The following CDA variants were observed in gnomAD, a reference collection of about 807,000 sequenced individuals.
The protein encoded by CDA is cytidine deaminase, also known as cytidine aminohydrolase.
In CDA, 7 loss-of-function variants were observed where a neutral mutation model predicts 15.0. That is an observed-to-expected ratio of 0.47 (90% CI 0.26 to 0.87). The LOEUF (loss-of-function observed/expected upper bound fraction) is 0.87. Ranked by LOEUF, CDA falls within the 40% of genes least tolerant of loss-of-function variation. The pLI, the probability that CDA is intolerant of heterozygous loss-of-function variation, is 0.15. For missense variants in CDA, 159 were observed against 182.7 expected (o/e 0.87, Z 0.75); for synonymous variants, 58 against 73.0 (o/e 0.79, Z 1.05).
At position 20,609,843 on chromosome 1, in the gene CDA, T is replaced by A. The variant is rs1037857219; in HGVS notation, c.267-3999T>A. On this transcript the variant is annotated intron_variant, in intron 2 of 3. Transcript: ENST00000375071. ...GTTCACTCGGCATCCTGGGCAGGAG[T>A]CCCCACCCTCTTATGTGCCCGTGGG... 4.6e-5 allele frequency among the ~76,000 whole-genome samples: 7 copies of A among 151,828 alleles called. 1 individual carries two copies. Among genetic ancestry groups the A allele is most frequent in the African/African-American group, 1.7e-4 (7 of 41,308 alleles).
chr1:20,591,091 G>A (rs541420064), intron 1 of CDA, among the ~76,000 whole-genome samples: 2 of 152,326 alleles, frequency 1.3e-5, no homozygotes, highest in South Asian at 4.1e-4. Flanking sequence ...TGTAACCCCA[G>A]CACTTTGGGA....
chr1:20,613,995 C>A, intron 3 of CDA, 96 bp downstream of exon 3: 1 of 1,108,702 alleles, frequency 9.0e-7, no homozygotes, highest in Non-Finnish European at 1.4e-6. Context: ...GCATGGCAGG[C>A]GTGGAGACAC....
chr1:20,614,356 C>CAACA (rs1488471562), intron 3 of CDA, among the ~76,000 whole-genome samples: 1 of 151,954 alleles, frequency 6.6e-6, no homozygotes, highest in Non-Finnish European at 1.5e-5. Flanking sequence ...GGTCAGCAAA[C>CAACA]AACAGCCCTT....
intron 2 of CDA, among the ~76,000 whole-genome samples, chr1:20,608,528 G>C (rs781309036): frequency 1.3e-5 from 2 of 152,066 alleles, no homozygotes; most frequent in Non-Finnish European, 2.9e-5. Flanking sequence ...TCATGCTTCA[G>C]CCTCCTGAGT....
chr1:20,610,348 C>T (rs748818118), intron 2 of CDA, among the ~76,000 whole-genome samples: 3 of 149,122 alleles, frequency 2.0e-5, no homozygotes, highest in Admixed American at 6.8e-5. Context: ...GTCACCCAGA[C>T]TGGAGTGCAG....
chr1:20,599,482 T>C (rs1262537473), intron 1 of CDA, among the ~76,000 whole-genome samples: 1 of 151,890 alleles, frequency 6.6e-6, no homozygotes, highest in Non-Finnish European at 1.5e-5. Flanking sequence ...CCGGGCGTGG[T>C]GGCACGCACC....
rs531526388 is a variant in CDA at position 20,591,157 on chromosome 1, G to A, written c.154+1874G>A. 4.6e-5 allele frequency among the ~76,000 whole-genome samples: 7 copies of A among 152,226 alleles called. No homozygotes were observed. In the South Asian group the frequency reaches 1.5e-3, roughly 32 times the overall value. ...GATCGAGACCATCCTGGCTAACACG[G>A]TGAAACTCCATCTCTACTAAAAATA... On this transcript the variant is annotated intron_variant, in intron 1 of 3. Transcript: ENST00000375071.
intron 2 of CDA, among the ~76,000 whole-genome samples, chr1:20,611,611 C>T (rs2052751522): frequency 6.6e-6 from 1 of 152,034 alleles, no homozygotes; most frequent in African/African-American, 2.4e-5. Flanking sequence ...GGTCTCTTGA[C>T]CTCATGATCC....
chr1:20,603,949 G>A (rs2154532310), intron 1 of CDA, among the ~76,000 whole-genome samples: 2 of 152,294 alleles, frequency 1.3e-5, no homozygotes, highest in South Asian at 4.1e-4. Context: ...TGAGAGCTGG[G>A]CCATCTTAGG....
chr1:20,603,681 T>C (rs2052667541), intron 1 of CDA, among the ~76,000 whole-genome samples: 1 of 152,108 alleles, frequency 6.6e-6, no homozygotes, highest in Admixed American at 6.5e-5. Flanking sequence ...AAATAGGAAA[T>C]GAATACTGGG....
At chr1:20,611,461 A>G (rs2052750041) in intron 2 of CDA, among the ~76,000 whole-genome samples, 1 of 151,758 alleles carries the variant, frequency 6.6e-6, no homozygotes, top group South Asian at 2.1e-4. Flanking sequence ...GCTTACTGCA[A>G]CCCCCGCCTC....
At chr1:20,603,370 G>A (rs1463199374) in intron 1 of CDA, among the ~76,000 whole-genome samples, 1 of 152,158 alleles carries the variant, frequency 6.6e-6, no homozygotes, top group Non-Finnish European at 1.5e-5. Context: ...GAGTTGACCA[G>A]GTTTCCAAAT....
rs149618257 is a variant in CDA at position 20,613,836 on chromosome 1, C to T, written c.267-6C>T. ...CTAATTTGAGTTTGATTCTTTGCTT[C>T]CCCAGTGACATGCAAGATGATTTTA... On this transcript the variant is annotated splice_region_variant and splice_polypyrimidine_tract_variant and intron_variant, in intron 2 of 3. Transcript: ENST00000375071. The T allele has an allele frequency of 3.2e-4, 516 of 1,613,578 alleles. No individual in the cohort carries two copies. The highest frequency in any genetic ancestry group is 1.2e-3 in the Admixed American group (72 of 60,018).
At chr1:20,616,939 T>G (rs1570388687) in intron 3 of CDA, among the ~76,000 whole-genome samples, 1 of 152,218 alleles carries the variant, frequency 6.6e-6, no homozygotes, top group East Asian at 1.9e-4. Context: ...ACCTGAGCAG[T>G]CACTGGCTAC....
intron 1 of CDA, among the ~76,000 whole-genome samples, chr1:20,589,591 C>T (rs778693306): frequency 9.9e-5 from 15 of 152,182 alleles, no homozygotes; most frequent in Non-Finnish European, 1.5e-4. Flanking sequence ...GGAGAGCGTT[C>T]GTGCTTTCCC....
chr1:20,599,934 G>C (rs575328119), intron 1 of CDA, among the ~76,000 whole-genome samples: 4 of 152,196 alleles, frequency 2.6e-5, no homozygotes, highest in African/African-American at 9.7e-5. Context: ...AAGCCAGTGA[G>C]CCTCAAAGAG....
intron 1 of CDA, among the ~76,000 whole-genome samples, chr1:20,603,812 A>G (rs1038812129): frequency 2.6e-5 from 4 of 152,310 alleles, no homozygotes; most frequent in South Asian, 4.1e-4. Flanking sequence ...TCGTAGACTC[A>G]CTTCCCTGAA....
chr1:20,607,765 G>A (rs975830219), intron 2 of CDA, among the ~76,000 whole-genome samples: 3 of 152,156 alleles, frequency 2.0e-5, no homozygotes, highest in Admixed American at 6.5e-5. Context: ...ACTCATTATC[G>A]CACTCATGAT....
intron 3 of CDA, among the ~76,000 whole-genome samples, chr1:20,614,318 C>T (rs1233469068): frequency 6.6e-6 from 1 of 151,810 alleles, no homozygotes; most frequent in Non-Finnish European, 1.5e-5. Context: ...CAGTGACAAA[C>T]GGGCAAACAG....
Sources: allele counts gnomAD v4.1 joint callset (sites outside exome capture counted in the v4.1 genomes callset), GRCh38; gene constraint gnomAD v4.1.1; transcripts MANE v1.5; gene names NCBI Gene and HGNC (gene_info 2026-07-23, HGNC 2026-07-21).